The following FBXO11 variants were observed in gnomAD, a reference collection of about 807,000 sequenced individuals.
FBXO11 encodes the protein F-box only protein 11.
A neutral mutation model predicts 117.0 loss-of-function variants in FBXO11; 13 were observed. That is an observed-to-expected ratio of 0.11 (90% confidence interval 0.07 to 0.18). The LOEUF (loss-of-function observed/expected upper bound fraction) is 0.18. Among genes scored for constraint, FBXO11 ranks in the 10% least tolerant of loss-of-function variants. FBXO11 has a pLI of 1.00. For missense variants in FBXO11, 767 were observed against 1,164.4 expected (o/e 0.66, Z 4.97); for synonymous variants, 490 against 380.5 (o/e 1.29, Z -3.35).
At chr2:47,825,913 G>A (rs946262415) in intron 11 of FBXO11, among the ~76,000 whole-genome samples, 23 of 151,658 alleles carry the variant, frequency 1.5e-4, no homozygotes, top group Non-Finnish European at 2.9e-5. Context: ...AGCGCTGCAA[G>A]CAAAATTTGA....
intron 1 of FBXO11, among the ~76,000 whole-genome samples, chr2:47,901,270 C>T (rs77673116): frequency 0.052 from 7,864 of 150,420 alleles, 209 homozygotes; most frequent in Non-Finnish European, 0.066. Flanking sequence ...ACAAGATTAG[C>T]TCAGAGTAGA....
Position 47,905,572 on chromosome 2 carries a change from TGCGGCGGCGGCGGAGGCTGCTGCTGGG to T in FBXO11, c.122_148del (p.Pro41_Pro49del). 2 of 1,193,046 alleles carry T rather than the reference TGCGGCGGCGGCGGAGGCTGCTGCTGGG, an allele frequency of 1.7e-6. No individual in the cohort carries two copies. Among genetic ancestry groups the T allele is most frequent in the Non-Finnish European group, 2.1e-6 (2 of 949,692 alleles). The allele number at this position is 1,193,046 out of a possible 1,614,324, so 73.9% of individuals were successfully genotyped here. A position where few individuals can be genotyped will look rare whatever the true frequency, so the allele number is the denominator to read the frequency against. On this transcript the variant is annotated inframe_deletion, in exon 1 of 23. Transcript: ENST00000403359. ...CGGAGGCTGCTGCTGCTGCTGCTGC[TGCGGCGGCGGCGGAGGCTGCTGCTGGG>T]GCGGCTGCTGCTGGGGCGGCTGCGG...
chr2:47,817,061 A>G (rs377521081), intron 16 of FBXO11, among the ~76,000 whole-genome samples: 25 of 152,272 alleles, frequency 1.6e-4, no homozygotes, highest in Middle Eastern at 6.8e-3. Context: ...ATATAAAACT[A>G]TTGAGTCTAC....
intron 1 of FBXO11, among the ~76,000 whole-genome samples, chr2:47,872,239 G>C (rs1675674987): frequency 6.6e-6 from 1 of 151,548 alleles, no homozygotes; most frequent in Non-Finnish European, 1.5e-5. Flanking sequence ...TAGAGCTGCA[G>C]TTCTTAAAAA....
At chr2:47,895,586 A>C (rs1177643187) in intron 1 of FBXO11, among the ~76,000 whole-genome samples, 2 of 152,252 alleles carry the variant, frequency 1.3e-5, no homozygotes, top group Non-Finnish European at 2.9e-5. Flanking sequence ...AGATGTGTTT[A>C]CTTCAGGAAA....
At chr2:47,838,758 A>T in intron 4 of FBXO11, 101 bp downstream of exon 4, 5 of 1,056,138 alleles carry the variant, frequency 4.7e-6, no homozygotes, top group Non-Finnish European at 6.9e-6. Context: ...GTTCCAACTA[A>T]TTGTAACTAC....
chr2:47,847,258 A>C (rs1673490044), intron 1 of FBXO11, among the ~76,000 whole-genome samples: 1 of 152,068 alleles, frequency 6.6e-6, no homozygotes, highest in Non-Finnish European at 1.5e-5. Context: ...CAAACAAACA[A>C]AAAGAAATTA....
At chr2:47,847,243 TCAAA>T (rs981910541) in intron 1 of FBXO11, among the ~76,000 whole-genome samples, 12 of 152,202 alleles carry the variant, frequency 7.9e-5, no homozygotes, top group South Asian at 4.1e-4. Flanking sequence ...AGACTCTGTC[TCAAA>T]CAAACAAACA....
intron 1 of FBXO11, among the ~76,000 whole-genome samples, chr2:47,890,862 C>A (rs1016432430): frequency 2.0e-5 from 3 of 152,022 alleles, no homozygotes; most frequent in Non-Finnish European, 4.4e-5. Flanking sequence ...CTATTGCTCA[C>A]GCTGGAATGC....
Position 47,835,889 on chromosome 2 carries a change from C to T in FBXO11, c.700G>A (p.Glu234Lys), listed in dbSNP as rs138499176. 1.7e-5 allele frequency: 28 copies of T among 1,604,970 alleles called. No homozygotes were observed. The highest frequency in any genetic ancestry group is 2.6e-6 in the Non-Finnish European group (3 of 1,175,222). ...EEYEHPNPWK[E>K]SFQQLYKGAH... ...TTTCATACCAACTGCTGGAAACTCTCTTTCCAGGGATTTGGATGTTCATAC... is the reference window on the plus strand; with the variant it reads ...TTTCATACCAACTGCTGGAAACTCTTTTTCCAGGGATTTGGATGTTCATAC... Residue 234 changes from glutamate to lysine, a missense_variant, in exon 5 of 23, where the codon GAG becomes AAG. Physicochemically the swap from Glu to Lys is moderately conservative, Grantham distance 56. This residue lies in a region of FBXO11 where 32 missense variants were observed against 48.4 expected (regional missense o/e 0.66). Coordinates refer to ENST00000403359, the MANE Select transcript of FBXO11 (RefSeq NM_001190274.2).
chr2:47,818,124 A>T (rs939346455), intron 16 of FBXO11, among the ~76,000 whole-genome samples: 4 of 152,254 alleles, frequency 2.6e-5, no homozygotes, highest in African/African-American at 9.6e-5. Context: ...TCAAACAAAC[A>T]AAAAGGATCA....
At position 47,832,658 on chromosome 2, in the gene FBXO11, T is replaced by C; in HGVS notation, c.1174A>G (p.Ser392Gly). The C allele has an allele frequency of 6.2e-7, 1 of 1,613,892 alleles. No homozygotes were observed. The highest frequency in any genetic ancestry group is 8.5e-7 in the Non-Finnish European group (1 of 1,179,908). Residue 392 changes from serine to glycine, a missense_variant, in exon 10 of 23, where the codon AGT becomes GGT. Coordinates refer to ENST00000403359, the MANE Select transcript of FBXO11 (RefSeq NM_001190274.2). ...ATGGTGGGACATGCTCCTTGACCAC[T>C]AACACATACTGCAGAACCAACTGTA... ...TCTVGSAVCV[S>G]GQGACPTIKH...
intron 1 of FBXO11, among the ~76,000 whole-genome samples, chr2:47,869,252 A>G (rs1490250857): frequency 2.0e-5 from 3 of 152,220 alleles, no homozygotes; most frequent in Non-Finnish European, 4.4e-5. Flanking sequence ...CTGCTGGCCT[A>G]AAAGTTTTAG....
intron 1 of FBXO11, chr2:47,883,701 T>C (rs17038477): frequency 1.9e-5 from 5 of 269,824 alleles, no homozygotes; most frequent in African/African-American, 4.5e-5. Flanking sequence ...AGAATTCTTA[T>C]ACAACTCCCA....
intron 11 of FBXO11, among the ~76,000 whole-genome samples, chr2:47,828,925 T>C (rs1369263235): frequency 6.6e-6 from 1 of 152,184 alleles, no homozygotes; most frequent in Non-Finnish European, 1.5e-5. Context: ...AATTTTTTTA[T>C]TTTTTTGACA....
At chr2:47,834,902 G>C (rs1672432564) in intron 5 of FBXO11, 31 bp from the exon 6 acceptor site, 2 of 1,468,612 alleles carry the variant, frequency 1.4e-6, no homozygotes, top group Non-Finnish European at 1.9e-6. Flanking sequence ...CAAAACCATT[G>C]ACTACTAACA....
intron 1 of FBXO11, chr2:47,888,539 T>C (rs559298739): frequency 1.1e-4 from 22 of 206,618 alleles, no homozygotes; most frequent in Non-Finnish European, 1.6e-4. Flanking sequence ...TCTTTAGCTA[T>C]CTTCTGAGTA....
intron 1 of FBXO11, among the ~76,000 whole-genome samples, chr2:47,902,273 C>T (rs75518135): frequency 0.083 from 12,637 of 152,256 alleles, 594 homozygotes; most frequent in Non-Finnish European, 0.1. Context: ...ATCCCAATCT[C>T]AGGAATTTAA....
intron 11 of FBXO11, among the ~76,000 whole-genome samples, chr2:47,827,677 T>C (rs927428857): frequency 6.6e-6 from 1 of 151,192 alleles, no homozygotes; most frequent in Non-Finnish European, 1.5e-5. Context: ...AATAAATCAA[T>C]AATACAGAAC....
Sources: gnomAD v4.1 joint callset for allele counts (sites outside exome capture counted in the v4.1 genomes callset) on GRCh38, gnomAD v4.1.1 for gene constraint, gnomAD v4.1.1 regional missense constraint, MANE v1.5 for transcripts, NCBI Gene and HGNC (gene_info 2026-07-23, HGNC 2026-07-21) for gene names.